SFMBT2: variants seen among roughly 807,000 people sequenced by gnomAD.
The protein encoded by SFMBT2 is scm-like with four MBT domains protein 2.
SFMBT2 carries 38 observed loss-of-function variants against 110.1 expected under a neutral mutation model. The observed-to-expected ratio is 0.35, with a 90% confidence interval of 0.27 to 0.45. SFMBT2 has a LOEUF of 0.45. SFMBT2 is among the 20% of genes least tolerant of loss of function. The pLI, the probability that SFMBT2 is intolerant of heterozygous loss-of-function variation, is 1.00. For missense variants in SFMBT2, 1,011 were observed against 1,094.9 expected, an observed-to-expected ratio of 0.92 and a Z score of 1.08; for synonymous variants, 425 against 425.4, an observed-to-expected ratio of 1.00 and a Z score of 0.01.
intron 4 of SFMBT2, among the ~76,000 whole-genome samples, chr10:7,294,915 C>T (rs905234330): frequency 6.6e-6 from 1 of 152,140 alleles, no homozygotes; most frequent in African/African-American, 2.4e-5. Flanking sequence ...TCAGGTTTCC[C>T]TTCTGGGAAC....
At chr10:7,387,713 T>C (rs1845649603) in intron 1 of SFMBT2, among the ~76,000 whole-genome samples, 2 of 151,396 alleles carry the variant, frequency 1.3e-5, no homozygotes, top group South Asian at 4.2e-4. Flanking sequence ...GGCAGATCAC[T>C]TGAGGCCAGG....
chr10:7,220,601 GAAGA>G, intron 10 of SFMBT2, 64 bp from the exon 11 acceptor site: 1 of 1,580,586 alleles, frequency 6.3e-7, no homozygotes, highest in Non-Finnish European at 8.7e-7. Flanking sequence ...CTGGGCAGAT[GAAGA>G]AAGAGAAAGA....
intron 7 of SFMBT2, among the ~76,000 whole-genome samples, chr10:7,250,923 T>C (rs1346816518): frequency 6.6e-6 from 1 of 152,226 alleles, no homozygotes; most frequent in African/African-American, 2.4e-5. Context: ...CCAGCCATCA[T>C]GTCCAGGCAG....
At chr10:7,403,211 A>G (rs1353182584) in intron 1 of SFMBT2, among the ~76,000 whole-genome samples, 2 of 152,176 alleles carry the variant, frequency 1.3e-5, no homozygotes, top group Admixed American at 6.5e-5. Context: ...GTCTTACCCC[A>G]TTTCAAAATT....
At chr10:7,281,965 C>T (rs1314956333) in intron 6 of SFMBT2, among the ~76,000 whole-genome samples, 6 of 152,158 alleles carry the variant, frequency 3.9e-5, no homozygotes, top group Admixed American at 3.3e-4. Context: ...CCACCTCAGC[C>T]CCCTAAGTAG....
intron 10 of SFMBT2, 119 bp from the exon 11 acceptor site, chr10:7,220,656 C>T: frequency 3.9e-6 from 4 of 1,033,614 alleles, no homozygotes; most frequent in Non-Finnish European, 5.8e-6. Context: ...GACAGGCTCA[C>T]GTATGTGTTT....
chr10:7,324,589 T>C (rs971678383), intron 4 of SFMBT2, among the ~76,000 whole-genome samples: 6 of 152,220 alleles, frequency 3.9e-5, no homozygotes, highest in African/African-American at 1.4e-4. Context: ...ACTTCCACTA[T>C]GGTCCCAAGG....
chr10:7,263,252 C>CT (rs1282877365), intron 7 of SFMBT2, among the ~76,000 whole-genome samples: 1 of 150,976 alleles, frequency 6.6e-6, no homozygotes, highest in Non-Finnish European at 1.5e-5. Context: ...CTTTTCTTTT[C>CT]TTTTTTGAGA....
At chr10:7,287,570 A>T (rs2131849783) in intron 4 of SFMBT2, among the ~76,000 whole-genome samples, 1 of 152,270 alleles carries the variant, frequency 6.6e-6, no homozygotes, top group East Asian at 1.9e-4. Context: ...ATGGATGTGC[A>T]AAGTCAGCAT....
intron 2 of SFMBT2, among the ~76,000 whole-genome samples, chr10:7,375,797 AC>A (rs1157407280): frequency 2.8e-5 from 4 of 141,738 alleles, no homozygotes; most frequent in Non-Finnish European, 4.6e-5. Context: ...ACACACACAC[AC>A]ACAAATCACC....
chr10:7,213,812 G>A (rs35810441), intron 11 of SFMBT2, among the ~76,000 whole-genome samples: 40,302 of 150,768 alleles, frequency 0.27, 5,812 homozygotes, highest in South Asian at 0.4. Flanking sequence ...ACTCAGATCC[G>A]TGTGTGATGC....
intron 1 of SFMBT2, among the ~76,000 whole-genome samples, chr10:7,402,508 A>G (rs1846108298): frequency 6.6e-6 from 1 of 152,238 alleles, no homozygotes; most frequent in Non-Finnish European, 1.5e-5. Context: ...ACTATGGTTT[A>G]TTTATAATAC....
intron 8 of SFMBT2, among the ~76,000 whole-genome samples, chr10:7,244,429 G>C (rs576596520): frequency 2.0e-5 from 3 of 152,298 alleles, no homozygotes; most frequent in Non-Finnish European, 4.4e-5. Flanking sequence ...CAATGCCATA[G>C]AGCATAAGTT....
At chr10:7,385,870 G>A (rs370851827) in intron 1 of SFMBT2, among the ~76,000 whole-genome samples, 3 of 152,060 alleles carry the variant, frequency 2.0e-5, no homozygotes, top group Non-Finnish European at 4.4e-5. Flanking sequence ...CGTGGTGGTG[G>A]GCACCTGTAG....
intron 8 of SFMBT2, among the ~76,000 whole-genome samples, chr10:7,247,707 T>C (rs1219016425): frequency 6.6e-6 from 1 of 152,248 alleles, no homozygotes; most frequent in Non-Finnish European, 1.5e-5. Context: ...TAAATTCTCC[T>C]AGTGAAGTAC....
chr10:7,274,798 C>A (rs1452424095), intron 7 of SFMBT2, among the ~76,000 whole-genome samples: 1 of 151,546 alleles, frequency 6.6e-6, no homozygotes, highest in African/African-American at 2.4e-5. Context: ...GACACTACAG[C>A]GAGCTATGAT....
chr10:7,205,603 C>T, intron 12 of SFMBT2: 1 of 985,408 alleles, frequency 1.0e-6, no homozygotes, highest in Non-Finnish European at 1.2e-6. Flanking sequence ...TGACTTTCAA[C>T]TGTCCCTCAC....
rs146793612 is a variant in SFMBT2, at chr10:7,283,812, C to A, written c.772+92G>T. On this transcript the variant is annotated intron_variant, in intron 6 of 20. Transcript: ENST00000397167. ...TCACATACTCAGATATAAAAGATAC[C>A]AGAAAGCTCATACATTTTCTAGAAA... 1.2e-3 allele frequency: 1,068 copies of A among 878,704 alleles called. 6 individuals are homozygous for A. Among genetic ancestry groups the A allele is most frequent in the African/African-American group, 0.011 (656 of 60,384 alleles). The allele number at this position is 878,704 out of a possible 1,614,324, so 54.4% of individuals were successfully genotyped here.
At chr10:7,189,700 C>T (rs962204470) in intron 15 of SFMBT2, among the ~76,000 whole-genome samples, 12 of 152,198 alleles carry the variant, frequency 7.9e-5, no homozygotes, top group South Asian at 4.2e-4. Context: ...CGGGGGAGCA[C>T]GCAGTGCCCA....
Sources: gnomAD v4.1 joint callset for allele counts (sites outside exome capture counted in the v4.1 genomes callset) on GRCh38, gnomAD v4.1.1 for gene constraint, MANE v1.5 for transcripts, NCBI Gene and HGNC (gene_info 2026-07-23, HGNC 2026-07-21) for gene names.